The following PCDHA4 variants were observed in gnomAD, a reference collection of about 807,000 sequenced individuals.
The protein encoded by PCDHA4 is protocadherin alpha 4, also known as protocadherin alpha-4.
In PCDHA4, 49 loss-of-function variants were observed where a neutral mutation model predicts 61.4. The ratio of observed to expected loss-of-function variants is 0.80; its 90% CI spans 0.63 to 1.01. The LOEUF is 1.01. Among genes scored for constraint, PCDHA4 ranks in the 50% least tolerant of loss-of-function variants. The pLI is 0.00. For missense variants in PCDHA4, 1,254 were observed against 1,235.8 expected (o/e 1.01, Z -0.22); for synonymous variants, 590 against 550.3 (o/e 1.07, Z -1.01).
intron 1 of PCDHA4, chr5:140,928,400 C>G: frequency 6.2e-7 from 1 of 1,614,038 alleles, no homozygotes; most frequent in Non-Finnish European, 8.5e-7. Flanking sequence ...GTGGAATCAT[C>G]CAGTGGGGCC....
Position 140,884,687 on chromosome 5 carries a change from T to C in PCDHA4, c.2385+75115T>C, listed in dbSNP as rs782253030. The C allele has an allele frequency of 4.6e-6, 7 of 1,538,230 alleles. No homozygotes were observed. In the South Asian group the frequency reaches 8.8e-5, roughly 19 times the overall value. On this transcript the variant is annotated intron_variant, in intron 1 of 3. Coordinates refer to ENST00000530339, the MANE Select transcript of PCDHA4 (RefSeq NM_018907.4). ...GGTAAGCTTATATTTTAAAAAATTGTCTTAGTAAACACTTTAGCCTTCCTT... is the reference window on the plus strand; with the variant it reads ...GGTAAGCTTATATTTTAAAAAATTGCCTTAGTAAACACTTTAGCCTTCCTT...
chr5:140,834,454 G>A, intron 1 of PCDHA4: 1 of 1,614,182 alleles, frequency 6.2e-7, no homozygotes, highest in South Asian at 1.1e-5. Flanking sequence ...CTAGCAGCTT[G>A]GGAGGCAGGG....
At chr5:140,876,668 C>T (rs2056489032) in intron 1 of PCDHA4, 1 of 1,614,198 alleles carries the variant, frequency 6.2e-7, no homozygotes, top group Non-Finnish European at 8.5e-7. Flanking sequence ...AAGCTGGTGT[C>T]CACCTACAAG....
At chr5:140,979,350 A>T (rs113796939) in intron 2 of PCDHA4, among the ~76,000 whole-genome samples, 1,685 of 150,698 alleles carry the variant, frequency 0.011, 22 homozygotes, top group East Asian at 0.044. Flanking sequence ...TGTAATTAAT[A>T]CTCATGCTTT....
intron 1 of PCDHA4, chr5:140,828,197 C>T (rs2150152294): frequency 1.9e-6 from 3 of 1,614,076 alleles, no homozygotes; most frequent in East Asian, 2.2e-5. Context: ...CTACTCCGTA[C>T]CCGAGGAGGC....
At chr5:140,866,739 C>T (rs1198771092) in intron 1 of PCDHA4, 5 of 152,124 alleles carry the variant, frequency 3.3e-5, no homozygotes, top group African/African-American at 4.8e-5. Context: ...CACTCTAATA[C>T]TTATATGACT....
At chr5:140,842,773 G>C in intron 1 of PCDHA4, 1 of 1,594,638 alleles carries the variant, frequency 6.3e-7, no homozygotes. Flanking sequence ...ACGCGGACGC[G>C]CAGGAGAACG....
chr5:140,824,636 T>TTTTTTTTTTTTTTG (rs1554130013), intron 1 of PCDHA4: 1 of 143,196 alleles, frequency 7.0e-6, no homozygotes, highest in Non-Finnish European at 1.5e-5. Flanking sequence ...TTTTTTTATT[T>TTTTTTTTTTTTTTG]TCTGTAGAGA....
At chr5:140,927,288 C>T (rs917590577) in intron 1 of PCDHA4, 1 of 1,614,196 alleles carries the variant, frequency 6.2e-7, no homozygotes, top group Non-Finnish European at 8.5e-7. Context: ...TGCAGCTGCA[C>T]ATCCCCGAGT....
intron 1 of PCDHA4, among the ~76,000 whole-genome samples, chr5:140,912,449 A>G (rs2075925716): frequency 6.6e-6 from 1 of 151,398 alleles, no homozygotes; most frequent in South Asian, 2.1e-4. Flanking sequence ...GTGTGCATTG[A>G]TTTTGTATCC....
intron 1 of PCDHA4, among the ~76,000 whole-genome samples, chr5:140,919,699 C>T (rs946203919): frequency 3.3e-5 from 5 of 152,084 alleles, no homozygotes; most frequent in African/African-American, 1.2e-4. Context: ...TTTATATTAA[C>T]TTAATTCTAG....
intron 1 of PCDHA4, among the ~76,000 whole-genome samples, chr5:140,922,354 A>G (rs1208856231): frequency 6.6e-6 from 1 of 152,220 alleles, no homozygotes; most frequent in Non-Finnish European, 1.5e-5. Flanking sequence ...TTTCTAGAGT[A>G]GTGATTCTCA....
At chr5:140,898,410 C>T (rs1554187963) in intron 1 of PCDHA4, among the ~76,000 whole-genome samples, 4 of 152,212 alleles carry the variant, frequency 2.6e-5, no homozygotes. Flanking sequence ...CTACATACGG[C>T]TAGCCAGTTT....
At chr5:140,953,331 A>G (rs2153698892) in intron 1 of PCDHA4, among the ~76,000 whole-genome samples, 1 of 152,248 alleles carries the variant, frequency 6.6e-6, no homozygotes, top group South Asian at 2.1e-4. Flanking sequence ...CATAGAATTT[A>G]GGGCTCACCT....
chr5:140,970,948 C>A (rs1339410112), intron 1 of PCDHA4, among the ~76,000 whole-genome samples: 2 of 152,114 alleles, frequency 1.3e-5, no homozygotes, highest in East Asian at 3.8e-4. Flanking sequence ...TGCTGAGAAA[C>A]CATGGGAGGC....
rs2150382245 is a variant in PCDHA4, at chr5:140,845,891, G to A, written c.2385+36319G>A. On this transcript the variant is annotated intron_variant, in intron 1 of 3. Coordinates refer to ENST00000530339, the MANE Select transcript of PCDHA4 (RefSeq NM_018907.4). ...AGGCAACCTAAAATGTCAGAAAGTC[G>A]TTATGGCCTTCCATATTAATCTTAT... 6.7e-5 allele frequency among the ~76,000 whole-genome samples: 10 copies of A among 149,728 alleles called. 1 individual carries two copies. Among genetic ancestry groups the A allele is most frequent in the East Asian group, 3.9e-4 (2 of 5,176 alleles).
At chr5:140,809,711 T>C in intron 1 of PCDHA4, 139 bp downstream of exon 1, 1 of 1,041,988 alleles carries the variant, frequency 9.6e-7, no homozygotes, top group Non-Finnish European at 1.4e-6. Flanking sequence ...CTAAAGTCTT[T>C]TGGAATTATA....
intron 1 of PCDHA4, chr5:140,869,678 T>A: frequency 1.9e-6 from 3 of 1,613,496 alleles, no homozygotes; most frequent in East Asian, 4.5e-5. Flanking sequence ...ATTAAAAGAC[T>A]GTCACTTATT....
intron 1 of PCDHA4, among the ~76,000 whole-genome samples, chr5:140,892,982 A>G (rs1430280813): frequency 2.0e-5 from 3 of 152,238 alleles, no homozygotes; most frequent in Non-Finnish European, 4.4e-5. Context: ...TAGCTGCCGT[A>G]TAAGTGAGAA....
Sources: allele counts gnomAD v4.1 joint callset (sites outside exome capture counted in the v4.1 genomes callset), GRCh38; gene constraint gnomAD v4.1.1; transcripts MANE v1.5; gene names NCBI Gene and HGNC (gene_info 2026-07-23, HGNC 2026-07-21).